Variants in DLAT observed in about 807,000 individuals in gnomAD.
DLAT encodes dihydrolipoyllysine-residue acetyltransferase component of pyruvate dehydrogenase complex, mitochondrial.
Under a neutral mutation model 68.0 loss-of-function variants are expected in DLAT, and 43 were observed. The ratio of observed to expected loss-of-function variants is 0.63; its 90% confidence interval spans 0.50 to 0.81. The LOEUF (loss-of-function observed/expected upper bound fraction) is 0.81, where lower values mean the gene tolerates loss of function less well. Among genes scored for constraint, DLAT ranks in the 40% least tolerant of loss-of-function variants. The probability of loss-of-function intolerance (pLI) is 0.00; values close to 1 mark genes in which losing one functional copy is unlikely to be tolerated. For missense variants in DLAT, 745 were observed against 815.4 expected (o/e 0.91, Z 1.05); for synonymous variants, 265 against 288.6 (o/e 0.92, Z 0.83).
chr11:112,055,968 A>G (rs1423676540), intron 11 of DLAT, among the ~76,000 whole-genome samples: 11 of 140,954 alleles, frequency 7.8e-5, no homozygotes, highest in Admixed American at 4.7e-4. Flanking sequence ...CCCGGGTTCA[A>G]GCGATTCTCC....
chr11:112,036,200 T>TGTG (rs1566617768), intron 5 of DLAT, among the ~76,000 whole-genome samples: 7 of 69,864 alleles, frequency 1.0e-4, no homozygotes, highest in African/African-American at 4.3e-4. Context: ...TGTGTGTGTG[T>TGTG]GTTTTTTTTT....
At position 112,025,480 on chromosome 11, in the gene DLAT, G is replaced by A. The variant is rs1555179077; in HGVS notation, c.8G>A (p.Arg3His). The change falls in exon 1 of 14, where the codon CGC (arginine) becomes CAC (histidine). Residue 3 changes from arginine to histidine, a missense_variant. Physicochemically the swap from Arg to His is conservative, Grantham distance 29. Transcript: ENST00000280346. MW[R>H]VCARRAQNVA... is the part of the protein sequence containing the mutation. ...TGGGGGGTTGGTGGCACTATGTGGC[G>A]CGTCTGTGCGCGACGGGCTCAGAAT... 6.2e-7 allele frequency: 1 copy of A among 1,612,718 alleles called. No individual in the cohort carries two copies. The highest frequency in any genetic ancestry group is 1.3e-5 in the African/African-American group (1 of 74,912).
At chr11:112,055,848 CTTTTTTTTTTTTTTTTTTTTTT>C (rs71060212) in intron 11 of DLAT, among the ~76,000 whole-genome samples, 29 of 31,990 alleles carry the variant, frequency 9.1e-4, no homozygotes, top group South Asian at 6.8e-3. Context: ...CATATAGACA[CTTTTTTTTTTTTTTTTTTTTTT>C]TTTTTTTTTT....
At chr11:112,028,435 A>AG in intron 2 of DLAT, 80 bp from the exon 3 acceptor site, 1 of 1,493,812 alleles carries the variant, frequency 6.7e-7, no homozygotes, top group East Asian at 2.3e-5. Flanking sequence ...AAAAAAAAAA[A>AG]AAAAAAAAAA....
chr11:112,046,057 G>A, intron 10 of DLAT, 87 bp downstream of exon 10: 1 of 771,676 alleles, frequency 1.3e-6, no homozygotes, highest in East Asian at 2.7e-5. Context: ...CATATATTTT[G>A]TTACAATATA....
At chr11:112,060,429 G>T (rs1474044871) in intron 12 of DLAT, among the ~76,000 whole-genome samples, 1 of 151,716 alleles carries the variant, frequency 6.6e-6, no homozygotes, top group Non-Finnish European at 1.5e-5. Context: ...CAAAGTGCTG[G>T]GATTACAGGC....
rs1472961564 is a variant in DLAT, at chr11:112,028,960, C to CT, written c.660+16dup. ...CTCACATGCAGGTGAGGCTCAGCCT[C>CT]TGAGTTTTTGCTCTAGGTGATTACT... On this transcript the variant is annotated intron_variant, in intron 4 of 13. Coordinates refer to ENST00000280346, the MANE Select transcript of DLAT (RefSeq NM_001931.5). The CT allele has an allele frequency of 3.1e-6, 5 of 1,613,876 alleles. No individual in the cohort carries two copies. The highest frequency in any genetic ancestry group is 4.2e-6 in the Non-Finnish European group (5 of 1,180,044).
At chr11:112,044,734 A>G (rs976001647) in intron 8 of DLAT, among the ~76,000 whole-genome samples, 2 of 152,162 alleles carry the variant, frequency 1.3e-5, no homozygotes, top group Admixed American at 6.5e-5. Context: ...TAGGTATTCT[A>G]TAAAGCTTAG....
chr11:112,036,163 ATATATGTGTGTGTGTG>A (rs1351541061), intron 5 of DLAT, among the ~76,000 whole-genome samples: 3 of 101,980 alleles, frequency 2.9e-5, no homozygotes, highest in African/African-American at 1.3e-4. Flanking sequence ...ATGTGTGTGT[ATATATGTGTGTGTGTG>A]TGTGTGTGTG....
intron 6 of DLAT, 136 bp from the exon 7 acceptor site, chr11:112,039,108 A>G: frequency 1.2e-6 from 1 of 841,882 alleles, no homozygotes; most frequent in African/African-American, 1.8e-5. Flanking sequence ...AAAGTACATT[A>G]TGATCTTTGG....
In DLAT at chr11:112,062,608, A is replaced by G. The variant is rs1383814789; in HGVS notation, c.*73A>G. On this transcript the variant is annotated 3_prime_UTR_variant, in exon 14 of 14. Transcript: ENST00000280346. ...TAACAAGATATTTATATGTTATTAA[A>G]CAGGTGGTTCTTTTTATTTTAACCA... 1.3e-6 allele frequency: 2 copies of G among 1,518,996 alleles called. No individual in the cohort carries two copies. Among genetic ancestry groups the G allele is most frequent in the Admixed American group, 3.5e-5 (2 of 57,470 alleles). The allele number at this position is 1,518,996 out of a possible 1,614,324, so 94.1% of individuals were successfully genotyped here. A position where few individuals can be genotyped will look rare whatever the true frequency, so the allele number is the denominator to read the frequency against.
chr11:112,028,561 G>C lies in DLAT; in HGVS notation c.428G>C (p.Cys143Ser). The stretch of plus-strand genomic sequence containing the variant: ...GTTGGATTTGAGAGCCTGGAGGAGT[G>C]TTATATGGCAAAGATACTTGTTGCT... ...ATVGFESLEE[C>S]YMAKILVAEG... is the part of the protein sequence containing the mutation. The change falls in exon 3 of 14, where the codon TGT becomes TCT. Residue 143 changes from cysteine (C) to serine (S), a missense_variant. Cys to Ser is a moderately radical substitution (Grantham distance 112). Transcript: ENST00000280346. 1 of 1,614,102 alleles carries C rather than the reference G, an allele frequency of 6.2e-7. No individual in the cohort carries two copies. Among genetic ancestry groups the C allele is most frequent in the Non-Finnish European group, 8.5e-7 (1 of 1,180,018 alleles).
intron 6 of DLAT, among the ~76,000 whole-genome samples, chr11:112,038,533 A>C (rs1555180743): frequency 6.6e-6 from 1 of 151,384 alleles, no homozygotes; most frequent in African/African-American, 2.4e-5. Context: ...ATGGGGCCTT[A>C]CAGCATAATT....
At chr11:112,027,779 A>G (rs1237259780) in intron 2 of DLAT, among the ~76,000 whole-genome samples, 1 of 150,840 alleles carries the variant, frequency 6.6e-6, no homozygotes, top group East Asian at 2.0e-4. Context: ...GCGTGCCTGC[A>G]ATCGCAGGCA....
chr11:112,047,167 G>A (rs1340969385), intron 10 of DLAT, among the ~76,000 whole-genome samples: 6 of 152,112 alleles, frequency 3.9e-5, no homozygotes, highest in South Asian at 2.1e-4. Context: ...TGTAACTGGC[G>A]TGAGATGGTA....
rs1862937384 is a variant in DLAT at position 112,039,354 on chromosome 11, G to C, written c.1086G>C (p.Lys362Asn). The change falls in exon 7 of 14, where the codon AAG (lysine) becomes AAC (asparagine). Residue 362 changes from lysine (K) to asparagine (N), a missense_variant. Physicochemically the swap from Lys to Asn is moderately conservative, Grantham distance 94. Coordinates refer to ENST00000280346, the MANE Select transcript of DLAT (RefSeq NM_001931.5). ...GGGTGTTTGTTAGCCCTCTTGCAAAGAAGTTGGCAGTAGAGAAAGGGATTG... is the reference window on the plus strand; with the variant it reads ...GGGTGTTTGTTAGCCCTCTTGCAAACAAGTTGGCAGTAGAGAAAGGGATTG... ...KGRVFVSPLA[K>N]KLAVEKGIDL... The C allele has an allele frequency of 6.2e-7, 1 of 1,614,144 alleles. No individual in the cohort carries two copies. The highest frequency in any genetic ancestry group is 8.5e-7 in the Non-Finnish European group (1 of 1,180,020).
At chr11:112,033,554 G>T (rs782194113) in intron 5 of DLAT, 24 bp downstream of exon 5, 3 of 1,612,414 alleles carry the variant, frequency 1.9e-6, no homozygotes, top group South Asian at 1.1e-5. Flanking sequence ...AGCTCTTAAT[G>T]GTTGAGGCAC....
intron 11 of DLAT, among the ~76,000 whole-genome samples, chr11:112,052,177 ACACAGT>A: frequency 6.6e-6 from 1 of 152,202 alleles, no homozygotes; most frequent in South Asian, 2.1e-4. Flanking sequence ...CTTTGCTGTC[ACACAGT>A]CACAGCACCG....
At chr11:112,040,785 A>G (rs1480457151) in intron 7 of DLAT, among the ~76,000 whole-genome samples, 3 of 152,154 alleles carry the variant, frequency 2.0e-5, no homozygotes, top group African/African-American at 7.2e-5. Flanking sequence ...TTTTAAAGGG[A>G]GAAAGGACTG....
Sources: gnomAD v4.1 joint callset for allele counts (sites outside exome capture counted in the v4.1 genomes callset) on GRCh38, gnomAD v4.1.1 for gene constraint, MANE v1.5 for transcripts, NCBI Gene and HGNC (gene_info 2026-07-23, HGNC 2026-07-21) for gene names.